Variants in KPNA1 observed in about 807,000 individuals in gnomAD.
KPNA1 encodes karyopherin subunit alpha 1.
KPNA1 carries 10 observed loss-of-function variants against 70.5 expected under a neutral mutation model. That is an observed-to-expected ratio of 0.14 (90% CI 0.09 to 0.24). KPNA1 has a LOEUF of 0.24. KPNA1 is among the 10% of genes least tolerant of loss of function. The pLI is 1.00. For synonymous variants in KPNA1, 192 were observed against 221.9 expected, an observed-to-expected ratio of 0.87 and a Z score of 1.20; for missense variants, 397 against 637.9, an observed-to-expected ratio of 0.62 and a Z score of 4.07.
chr3:122,427,370 C>G (rs2075836282), intron 13 of KPNA1, 168 bp downstream of exon 13: 2 of 763,508 alleles, frequency 2.6e-6, no homozygotes, highest in Non-Finnish European at 4.1e-6. Flanking sequence ...GTATTATAAA[C>G]TGACATCTTA....
chr3:122,503,328 A>G (rs924731221), intron 1 of KPNA1, among the ~76,000 whole-genome samples: 6 of 152,206 alleles, frequency 3.9e-5, no homozygotes, highest in African/African-American at 9.6e-5. Context: ...AGAAATGTCA[A>G]TGAAGGCATA....
chr3:122,507,167 G>A (rs1326211955), intron 1 of KPNA1, among the ~76,000 whole-genome samples: 2 of 152,164 alleles, frequency 1.3e-5, no homozygotes, highest in Non-Finnish European at 2.9e-5. Flanking sequence ...ATAGCTGGGC[G>A]CAGTAGTTCA....
chr3:122,439,950 G>T (rs761886169), intron 10 of KPNA1, among the ~76,000 whole-genome samples: 1 of 152,122 alleles, frequency 6.6e-6, no homozygotes, highest in Admixed American at 6.5e-5. Flanking sequence ...CTTGCCTTGT[G>T]GGGGAAAGAA....
At chr3:122,472,897 G>A (rs771959147) in intron 2 of KPNA1, among the ~76,000 whole-genome samples, 24 of 151,840 alleles carry the variant, frequency 1.6e-4, no homozygotes, top group Non-Finnish European at 3.1e-4. Flanking sequence ...TGTGGCCAAC[G>A]CGGCAAAACC....
At chr3:122,457,284 T>C (rs940297424) in intron 5 of KPNA1, among the ~76,000 whole-genome samples, 2 of 151,998 alleles carry the variant, frequency 1.3e-5, no homozygotes, top group Non-Finnish European at 2.9e-5. Context: ...AGTTGTGAAA[T>C]GGGAAAGCCT....
intron 4 of KPNA1, among the ~76,000 whole-genome samples, chr3:122,461,874 G>A (rs1441154311): frequency 6.6e-6 from 1 of 152,136 alleles, no homozygotes; most frequent in East Asian, 1.9e-4. Flanking sequence ...AACTTATAAG[G>A]CAAATAGGAG....
intron 12 of KPNA1, among the ~76,000 whole-genome samples, chr3:122,430,515 A>AGTGGGTGTGTGTGTGTGTGTGTGTGTGT (rs2075887299): frequency 7.1e-6 from 1 of 141,382 alleles, no homozygotes; most frequent in Non-Finnish European, 1.6e-5. Flanking sequence ...CTGTACTACC[A>AGTGGGTGTGTGTGTGTGTGTGTGTGTGT]GTGTGTGTGT....
At chr3:122,503,247 G>A (rs1576348649) in intron 1 of KPNA1, among the ~76,000 whole-genome samples, 2 of 146,492 alleles carry the variant, frequency 1.4e-5, no homozygotes, top group African/African-American at 4.8e-5. Context: ...AGTGTTGGAA[G>A]CATGCATACA....
At chr3:122,497,067 T>G (rs2076771426) in intron 1 of KPNA1, among the ~76,000 whole-genome samples, 1 of 152,212 alleles carries the variant, frequency 6.6e-6, no homozygotes, top group Non-Finnish European at 1.5e-5. Context: ...TTACAGCTTG[T>G]ACAACCTTCA....
Position 122,441,987 on chromosome 3 carries a change from G to T in KPNA1, c.996+51C>A, listed in dbSNP as rs192741255. 2.1e-5 allele frequency: 25 copies of T among 1,175,422 alleles called. No individual in the cohort carries two copies. The East Asian group carries it at 4.7e-4, about 22-fold the overall frequency. The allele number at this position is 1,175,422 out of a possible 1,614,324, so 72.8% of individuals were successfully genotyped here. A position where few individuals can be genotyped will look rare whatever the true frequency, so the allele number is the denominator to read the frequency against. On this transcript the variant is annotated intron_variant, in intron 10 of 13. Transcript: ENST00000344337. ...ACGATAATAGAAACATGATCATGAA[G>T]TTCAATATACTGTTTTTAAAGGACA...
At chr3:122,466,257 G>A (rs1014541045) in intron 3 of KPNA1, among the ~76,000 whole-genome samples, 8 of 151,944 alleles carry the variant, frequency 5.3e-5, no homozygotes, top group African/African-American at 1.9e-4. Flanking sequence ...AAAAAAAAAG[G>A]TGGGGGAGAG....
chr3:122,489,049 T>TG (rs2076663838), intron 2 of KPNA1, among the ~76,000 whole-genome samples: 4 of 124,440 alleles, frequency 3.2e-5, no homozygotes, highest in African/African-American at 1.2e-4. Context: ...TGTGGGTTTT[T>TG]TTGCGTGCGT....
intron 3 of KPNA1, 177 bp from the exon 4 acceptor site, chr3:122,464,218 C>T: frequency 2.5e-6 from 1 of 399,860 alleles, no homozygotes; most frequent in Non-Finnish European, 4.4e-6. Flanking sequence ...TATAATGAAG[C>T]CAAATTCTTT....
chr3:122,427,740 C>A, intron 12 of KPNA1, 24 bp from the exon 13 acceptor site: 3 of 1,450,068 alleles, frequency 2.1e-6, no homozygotes, highest in South Asian at 1.6e-5. Flanking sequence ...ATAATGTAGT[C>A]AAACAAAACT....
At chr3:122,488,935 C>T (rs540431084) in intron 2 of KPNA1, among the ~76,000 whole-genome samples, 3 of 152,114 alleles carry the variant, frequency 2.0e-5, no homozygotes. Context: ...AAAAGGTTTT[C>T]GGCCATTACT....
chr3:122,509,159 T>C (rs1029628661), intron 1 of KPNA1, among the ~76,000 whole-genome samples: 1 of 150,392 alleles, frequency 6.6e-6, no homozygotes, highest in African/African-American at 2.5e-5. Flanking sequence ...GTCAGAACAA[T>C]GGCTTAAGCC....
At chr3:122,499,949 T>C (rs1316682759) in intron 1 of KPNA1, among the ~76,000 whole-genome samples, 1 of 152,194 alleles carries the variant, frequency 6.6e-6, no homozygotes, top group Non-Finnish European at 1.5e-5. Flanking sequence ...GCCTAGGCTG[T>C]TTCTTTGCGG....
chr3:122,424,269 A>G lies in KPNA1; in HGVS notation c.*2716T>C, dbSNP rs1471308034. 6.6e-6 allele frequency: 1 copy of G among 152,222 alleles called. No individual in the cohort carries two copies. Among genetic ancestry groups the G allele is most frequent in the African/African-American group, 2.4e-5 (1 of 41,468 alleles). The allele number at this position is 152,222 out of a possible 1,614,324, so 9.4% of individuals were successfully genotyped here. ...AATTAACATGCTTTTGTAATGAGCA[A>G]CGCCTTAGTGGTAGGGTATTCAGTG... is the stretch of plus-strand genomic sequence containing the variant. On this transcript the variant is annotated 3_prime_UTR_variant, in exon 14 of 14. Coordinates refer to ENST00000344337, the MANE Select transcript of KPNA1 (RefSeq NM_002264.4).
At position 122,471,388 on chromosome 3, in the gene KPNA1, T is replaced by C. The variant is rs1440291698; in HGVS notation, c.130-3959A>G. ...TATTCAGTTCAATATTCTAAATAAA[T>C]CGGCATTTTGGCAAAAAATAAAGAC... is the stretch of plus-strand genomic sequence containing the variant. On this transcript the variant is annotated intron_variant, in intron 2 of 13. Transcript: ENST00000344337. 2.0e-5 allele frequency among the ~76,000 whole-genome samples: 3 copies of C among 152,142 alleles called. No individual in the cohort carries two copies. In the East Asian group the frequency reaches 5.8e-4, roughly 29 times the overall value.
Sources: allele counts gnomAD v4.1 joint callset (sites outside exome capture counted in the v4.1 genomes callset), GRCh38; gene constraint gnomAD v4.1.1; transcripts MANE v1.5; gene names NCBI Gene and HGNC (gene_info 2026-07-23, HGNC 2026-07-21).